SYT1: variants seen among roughly 807,000 people sequenced by gnomAD.
The protein encoded by SYT1 is synaptotagmin-1.
SYT1 carries 8 observed loss-of-function variants against 44.8 expected under a neutral mutation model. That is an observed-to-expected ratio of 0.18 (90% CI 0.10 to 0.32). The LOEUF (loss-of-function observed/expected upper bound fraction) is 0.32. Among genes scored for constraint, SYT1 ranks in the 10% least tolerant of loss-of-function variants. The probability of loss-of-function intolerance (pLI) is 1.00; values close to 1 mark genes in which losing one functional copy is unlikely to be tolerated. For missense variants in SYT1, 286 were observed against 509.3 expected (o/e 0.56, Z 4.22); for synonymous variants, 154 against 188.8 (o/e 0.82, Z 1.51).
rs568426615 is a variant in SYT1 at position 78,900,064 on chromosome 12, A to C, written c.-217+34955A>C. 5.3e-5 allele frequency among the ~76,000 whole-genome samples: 8 copies of C among 152,268 alleles called. 1 individual carries two copies. In the South Asian group the frequency reaches 1.4e-3, roughly 28 times the overall value. On this transcript the variant is annotated intron_variant, in intron 1 of 10. Transcript: ENST00000261205. The stretch of plus-strand genomic sequence containing the variant: ...AACGCAAATGTGACAAACCAGGTTA[A>C]TCAAATAAATGGTCATTGAAAATTG...
At chr12:79,125,702 T>C (rs1030414052) in intron 3 of SYT1, among the ~76,000 whole-genome samples, 35 of 152,108 alleles carry the variant, frequency 2.3e-4, no homozygotes, top group African/African-American at 8.2e-4. Context: ...ATAAAAACTA[T>C]ATTTTTCCTT....
chr12:79,070,512 T>A (rs970632980), intron 3 of SYT1, among the ~76,000 whole-genome samples: 3 of 152,154 alleles, frequency 2.0e-5, no homozygotes, highest in Non-Finnish European at 4.4e-5. Context: ...TGAATCCATG[T>A]TGTGGCTATA....
rs778700273 is a variant in SYT1, at chr12:79,301,534, C to T, written c.810+1983C>T. On this transcript the variant is annotated intron_variant, in intron 8 of 10. Transcript: ENST00000261205. ...ATGATTTACCCCTTATCTTACTTAC[C>T]GATGAAATAGAATAGAACATGAAGT... Among the ~76,000 whole-genome samples, 8 of 152,138 alleles carry T rather than the reference C, an allele frequency of 5.3e-5. No homozygotes were observed. In the East Asian group the frequency reaches 5.8e-4, roughly 11 times the overall value.
At chr12:79,207,036 T>C (rs182010113) in intron 3 of SYT1, among the ~76,000 whole-genome samples, 5 of 152,190 alleles carry the variant, frequency 3.3e-5, no homozygotes, top group Non-Finnish European at 7.3e-5. Context: ...TTCTTCAAAG[T>C]TTTTCATAGT....
chr12:78,921,982 C>T lies in SYT1; in HGVS notation c.-216-55817C>T, dbSNP rs529130318. Among the ~76,000 whole-genome samples, 8 of 125,196 alleles carry T rather than the reference C, an allele frequency of 6.4e-5. No individual in the cohort carries two copies. In the South Asian group the frequency reaches 1.6e-3, roughly 25 times the overall value. 82.1% of individuals were successfully genotyped at this position (125,196 alleles called of 152,430 possible). A position where few individuals can be genotyped will look rare whatever the true frequency, so the allele number is the denominator to read the frequency against. ...ATAAATTATATGCTTAAATCAAATA[C>T]CTTTAAAGAATAAAAAAAAAAACTT... is the stretch of plus-strand genomic sequence containing the variant. On this transcript the variant is annotated intron_variant, in intron 1 of 10. Transcript: ENST00000261205.
intron 3 of SYT1, among the ~76,000 whole-genome samples, chr12:79,170,833 G>C (rs946739805): frequency 6.6e-6 from 1 of 151,990 alleles, no homozygotes; most frequent in Admixed American, 6.6e-5. Context: ...ATAGTTTGAG[G>C]TTTTACACTT....
chr12:79,374,248 G>A (rs1883904718), intron 9 of SYT1, among the ~76,000 whole-genome samples: 1 of 152,118 alleles, frequency 6.6e-6, no homozygotes, highest in Non-Finnish European at 1.5e-5. Context: ...TGGGGTGCCA[G>A]AAGTAAATAT....
chr12:78,954,774 A>G (rs1879128724), intron 1 of SYT1, among the ~76,000 whole-genome samples: 1 of 152,114 alleles, frequency 6.6e-6, no homozygotes, highest in African/African-American at 2.4e-5. Flanking sequence ...AATAAATGCT[A>G]GATCTAAAGG....
chr12:78,999,296 A>G (rs1280649693), intron 2 of SYT1, among the ~76,000 whole-genome samples: 2 of 152,192 alleles, frequency 1.3e-5, no homozygotes, highest in Non-Finnish European at 2.9e-5. Flanking sequence ...TAGAGGCAAC[A>G]TGATGGTGTT....
chr12:79,340,259 G>T (rs1882301916), intron 8 of SYT1, among the ~76,000 whole-genome samples: 1 of 152,172 alleles, frequency 6.6e-6, no homozygotes, highest in Non-Finnish European at 1.5e-5. Context: ...ATTACCTTGG[G>T]CAGTATGGCC....
chr12:78,922,953 G>GA (rs199772679), intron 1 of SYT1, among the ~76,000 whole-genome samples: 7,188 of 151,964 alleles, frequency 0.047, 221 homozygotes, highest in Admixed American at 0.083. Context: ...CGAGAACCCA[G>GA]GTAATCTCCA....
intron 2 of SYT1, among the ~76,000 whole-genome samples, chr12:79,014,139 GAA>G (rs1170016597): frequency 3.3e-5 from 3 of 90,410 alleles, no homozygotes; most frequent in East Asian, 6.4e-4. Flanking sequence ...AAAAAAAAAA[GAA>G]AAAAAAAAAA....
chr12:78,974,033 A>G (rs1414029935), intron 1 of SYT1, among the ~76,000 whole-genome samples: 2 of 131,856 alleles, frequency 1.5e-5, no homozygotes, highest in Non-Finnish European at 3.1e-5. Context: ...GAAATGCATC[A>G]TTAGGCATTT....
chr12:79,122,905 C>A (rs558172978), intron 3 of SYT1, among the ~76,000 whole-genome samples: 3 of 152,246 alleles, frequency 2.0e-5, no homozygotes, highest in South Asian at 2.1e-4. Context: ...AATGATGACA[C>A]CTTCTAAGTA....
chr12:79,432,443 T>C (rs1869851822), intron 9 of SYT1, among the ~76,000 whole-genome samples: 1 of 149,972 alleles, frequency 6.7e-6, no homozygotes, highest in African/African-American at 2.4e-5. Flanking sequence ...AATTCCCACC[T>C]ATGAGTGAGA....
At chr12:79,014,761 C>T (rs534370714) in intron 2 of SYT1, among the ~76,000 whole-genome samples, 160 of 152,026 alleles carry the variant, frequency 1.1e-3, no homozygotes, top group African/African-American at 3.6e-3. Context: ...CACATGCACA[C>T]GTATGTTTAT....
At chr12:79,372,325 T>G (rs1282635643) in intron 9 of SYT1, among the ~76,000 whole-genome samples, 3 of 152,228 alleles carry the variant, frequency 2.0e-5, no homozygotes, top group Admixed American at 2.0e-4. Context: ...TAAAGTGAAT[T>G]AAATTCAATC....
chr12:78,953,245 T>C (rs1257230215), intron 1 of SYT1, among the ~76,000 whole-genome samples: 2 of 151,966 alleles, frequency 1.3e-5, no homozygotes, highest in Non-Finnish European at 2.9e-5. Flanking sequence ...TAGGAATGAA[T>C]GATATAGGGA....
chr12:79,368,189 C>T (rs61928832), intron 9 of SYT1, among the ~76,000 whole-genome samples: 1,578 of 151,906 alleles, frequency 0.01, 7 homozygotes, highest in Non-Finnish European at 0.014. Context: ...AGAATGATGA[C>T]TTCCAATTTC....
Sources: allele counts gnomAD v4.1 joint callset (sites outside exome capture counted in the v4.1 genomes callset), GRCh38; gene constraint gnomAD v4.1.1; transcripts MANE v1.5; gene names NCBI Gene and HGNC (gene_info 2026-07-23, HGNC 2026-07-21).